The following MGST1 variants were observed in gnomAD, a reference collection of about 807,000 sequenced individuals.
The protein encoded by MGST1 is glutathione S-transferase 12.
A neutral mutation model predicts 8.9 loss-of-function variants in MGST1; 5 were observed. The ratio of observed to expected loss-of-function variants is 0.56; its 90% CI spans 0.29 to 1.19. MGST1 has a LOEUF of 1.19. Ranked by LOEUF, MGST1 falls within the 50% of genes most tolerant of loss-of-function variation. The pLI, the probability that MGST1 is intolerant of heterozygous loss-of-function variation, is 0.08. For synonymous variants in MGST1, 54 were observed against 67.8 expected (o/e 0.80, Z 1.00); for missense variants, 182 against 187.4 (o/e 0.97, Z 0.17).
At position 16,566,038 on chromosome 12, in the gene MGST1, A is replaced by ATATATATATATG. The variant is rs1555116337; in HGVS notation, n.483-23488_483-23487insTATATATATGTA. On this transcript the variant is annotated intron_variant and non_coding_transcript_variant, in intron 4 of 4. Transcript: ENST00000538857. ...TATATATATATATATATATATATAT[A>ATATATATATATG]TAAAATGGAGTACTATTCAGCCATA... Among the ~76,000 whole-genome samples the ATATATATATATG allele has an allele frequency of 1.4e-4, 13 of 90,522 alleles. 2 individuals are homozygous for ATATATATATATG. The highest frequency in any genetic ancestry group is 4.2e-4 in the East Asian group (1 of 2,392). 59.4% of individuals were successfully genotyped at this position (90,522 alleles called of 152,430 possible).
intron 4 of MGST1, among the ~76,000 whole-genome samples, chr12:16,460,098 C>A (rs758211615): frequency 6.6e-6 from 1 of 151,956 alleles, no homozygotes; most frequent in Non-Finnish European, 1.5e-5. Context: ...TAAAACAGTC[C>A]ATGTAGGAAA....
At chr12:16,378,850 A>G (rs936252058), downstream of MGST1, among the ~76,000 whole-genome samples, 2 of 151,938 alleles carry the variant, frequency 1.3e-5, no homozygotes, top group South Asian at 2.1e-4. Flanking sequence ...TTCTCCTTGA[A>G]GAGGTCCTTC....
At chr12:16,564,808 T>C (rs1942534321) in intron 4 of MGST1, among the ~76,000 whole-genome samples, 2 of 152,214 alleles carry the variant, frequency 1.3e-5, no homozygotes, top group South Asian at 4.1e-4. Context: ...TATTTTATTT[T>C]AGAGTCTCAC....
chr12:16,505,536 C>G (rs1941532493), intron 4 of MGST1, among the ~76,000 whole-genome samples: 1 of 152,190 alleles, frequency 6.6e-6, no homozygotes. Flanking sequence ...CTACGTAATT[C>G]AGTGTCCTTC....
chr12:16,477,318 T>C (rs982736178), intron 4 of MGST1, among the ~76,000 whole-genome samples: 1 of 152,144 alleles, frequency 6.6e-6, no homozygotes, highest in African/African-American at 2.4e-5. Context: ...AGCCATATCT[T>C]AAAAGTAGAA....
intron 4 of MGST1, among the ~76,000 whole-genome samples, chr12:16,532,949 A>C (rs997349122): frequency 2.0e-5 from 3 of 152,158 alleles, no homozygotes; most frequent in African/African-American, 7.2e-5. Flanking sequence ...GATTATTAAC[A>C]AAGCTAATAA....
At chr12:16,522,090 A>G (rs867146359) in intron 4 of MGST1, among the ~76,000 whole-genome samples, 20 of 152,154 alleles carry the variant, frequency 1.3e-4, no homozygotes, top group Non-Finnish European at 2.2e-4. Flanking sequence ...TCATGCTGAA[A>G]TGTCTCACAG....
downstream of MGST1, among the ~76,000 whole-genome samples, chr12:16,439,419 C>T (rs1302164091): frequency 6.6e-6 from 1 of 151,770 alleles, no homozygotes; most frequent in Admixed American, 6.6e-5. Context: ...CTTGAACTTC[C>T]AGTCAGACTC....
intron 1 of MGST1, among the ~76,000 whole-genome samples, chr12:16,430,541 T>C (rs1940928957): frequency 6.6e-6 from 1 of 152,172 alleles, no homozygotes; most frequent in South Asian, 2.1e-4. Flanking sequence ...AAAACACTAA[T>C]CTACTTACAC....
intron 1 of MGST1, among the ~76,000 whole-genome samples, chr12:16,391,328 C>T (rs552545287): frequency 6.6e-6 from 1 of 151,554 alleles, no homozygotes; most frequent in East Asian, 1.9e-4. Flanking sequence ...CCCCCCACCC[C>T]CCGACAGGCC....
At chr12:16,394,432 C>T (rs994064458) in intron 1 of MGST1, among the ~76,000 whole-genome samples, 1 of 150,734 alleles carries the variant, frequency 6.6e-6, no homozygotes, top group South Asian at 2.1e-4. Context: ...CTTCCTCCCT[C>T]CCTCCCTCTC....
chr12:16,401,043 A>G lies in MGST1; in HGVS notation n.778+17439A>G. The G allele has an allele frequency of 6.3e-7, 1 of 1,591,562 alleles. No homozygotes were observed. Among genetic ancestry groups the G allele is most frequent in the Non-Finnish European group, 8.6e-7 (1 of 1,160,000 alleles). ...GTCATTTCATTCCTGTTCTTTCTGT[A>G]AGTAATGCTGCCCGAGAACCTCTTC... is the stretch of plus-strand genomic sequence containing the variant. On this transcript the variant is annotated intron_variant and non_coding_transcript_variant, in intron 1 of 1. Coordinates refer to the MGST1 transcript ENST00000359720. The surrounding 1 kb of genome is among the most constrained non-coding windows in gnomAD (Gnocchi z 4.3).
chr12:16,465,220 T>C (rs1397004283), intron 4 of MGST1, among the ~76,000 whole-genome samples: 2 of 152,190 alleles, frequency 1.3e-5, no homozygotes, highest in African/African-American at 4.8e-5. Flanking sequence ...CTGAATCCTT[T>C]TGAACTCAAA....
intron 4 of MGST1, among the ~76,000 whole-genome samples, chr12:16,575,268 A>G (rs919496539): frequency 1.3e-5 from 2 of 152,182 alleles, no homozygotes; most frequent in African/African-American, 4.8e-5. Flanking sequence ...CTTCAAAAAT[A>G]TAGGCATAAG....
At chr12:16,393,622 CTCTGATCTTGAGGGACATGGGTTTG>C (rs1940572416) in intron 1 of MGST1, among the ~76,000 whole-genome samples, 1 of 152,168 alleles carries the variant, frequency 6.6e-6, no homozygotes, top group Non-Finnish European at 1.5e-5. Context: ...CTTTGATGCC[CTCTGATCTTGAGGGACATGGGTTTG>C]AGGAAAGAAA....
At chr12:16,467,334 T>TCC (rs1941262927) in intron 4 of MGST1, among the ~76,000 whole-genome samples, 1 of 152,254 alleles carries the variant, frequency 6.6e-6, no homozygotes. Flanking sequence ...CATGCCATAT[T>TCC]AGCATTTTCT....
chr12:16,555,181 T>C lies in MGST1; in HGVS notation n.483-34347T>C, dbSNP rs1305421034. Among the ~76,000 whole-genome samples the C allele has an allele frequency of 6.6e-6, 1 of 152,236 alleles. No individual in the cohort carries two copies. The highest frequency in any genetic ancestry group is 2.4e-5 in the African/African-American group (1 of 41,458). On this transcript the variant is annotated intron_variant and non_coding_transcript_variant, in intron 4 of 4. Coordinates refer to the MGST1 transcript ENST00000538857. This position sits in a 1 kb window ranked among gnomAD's most constrained non-coding sequence, Gnocchi z 5.5. ...AGAATTTGCTATCATTATTATTTGGTAATGATAATCTTTTCACCTTTACTT... is the reference window on the plus strand; with the variant it reads ...AGAATTTGCTATCATTATTATTTGGCAATGATAATCTTTTCACCTTTACTT...
At chr12:16,474,846 T>C (rs1049502415) in intron 4 of MGST1, among the ~76,000 whole-genome samples, 1 of 152,242 alleles carries the variant, frequency 6.6e-6, no homozygotes, top group African/African-American at 2.4e-5. Flanking sequence ...GTATTAATCT[T>C]ATTTTCTCCA....
chr12:16,580,945 C>A (rs1257483177), intron 4 of MGST1, among the ~76,000 whole-genome samples: 1 of 152,158 alleles, frequency 6.6e-6, no homozygotes, highest in Admixed American at 6.5e-5. Flanking sequence ...ATGCTATATA[C>A]AACACAGACA....
Sources: allele counts gnomAD v4.1 joint callset (sites outside exome capture counted in the v4.1 genomes callset), GRCh38; gene constraint gnomAD v4.1.1; non-coding constraint Gnocchi (gnomAD v3.1); transcripts MANE v1.5; gene names NCBI Gene and HGNC (gene_info 2026-07-23, HGNC 2026-07-21).